VOPP1: variants seen among roughly 807,000 people sequenced by gnomAD.
VOPP1 encodes the protein VOPP1 WW domain binding protein, also known as WW domain binding protein VOPP1.
Under a neutral mutation model 23.5 loss-of-function variants are expected in VOPP1, and 8 were observed. The ratio of observed to expected loss-of-function variants is 0.34; its 90% CI spans 0.20 to 0.61. The LOEUF is 0.61. Among genes scored for constraint, VOPP1 ranks in the 20% least tolerant of loss-of-function variants. The pLI is 0.78. For missense variants in VOPP1, 174 were observed against 238.1 expected, an observed-to-expected ratio of 0.73 and a Z score of 1.77; for synonymous variants, 83 against 97.3, an observed-to-expected ratio of 0.85 and a Z score of 0.86.
At chr7:55,514,743 C>T (rs1361108666) in intron 2 of VOPP1, among the ~76,000 whole-genome samples, 3 of 152,180 alleles carry the variant, frequency 2.0e-5, no homozygotes, top group East Asian at 1.9e-4. Flanking sequence ...GAGATGACAC[C>T]GCAGAGTGCT....
In VOPP1 at chr7:55,532,667, A is replaced by G. The variant is rs548822587; in HGVS notation, c.55-11537T>C. Among the ~76,000 whole-genome samples the G allele has an allele frequency of 6.1e-4, 92 of 151,020 alleles. 1 individual carries two copies. Among genetic ancestry groups the G allele is most frequent in the Non-Finnish European group, 1.5e-5 (1 of 67,682 alleles). On this transcript the variant is annotated intron_variant, in intron 1 of 4. Coordinates refer to ENST00000285279, the MANE Select transcript of VOPP1 (RefSeq NM_030796.5). Reference sequence around the variant, plus strand: ...GGAAATGATACCCTGGTGTGGAAAAATACAGCTCAAAGCAATCTGAGGGAG... The same window carrying G: ...GGAAATGATACCCTGGTGTGGAAAAGTACAGCTCAAAGCAATCTGAGGGAG...
chr7:55,559,713 G>T (rs1380804355), intron 1 of VOPP1, among the ~76,000 whole-genome samples: 1 of 152,084 alleles, frequency 6.6e-6, no homozygotes, highest in Non-Finnish European at 1.5e-5. Flanking sequence ...ATTCCACCAA[G>T]AACTCAAAGC....
chr7:55,532,781 C>G (rs1403930123), intron 1 of VOPP1, among the ~76,000 whole-genome samples: 8 of 152,162 alleles, frequency 5.3e-5, no homozygotes, highest in Non-Finnish European at 1.2e-4. Context: ...AGCACTGCCA[C>G]GTGTACTCCT....
chr7:55,568,385 T>G (rs1407017343), intron 1 of VOPP1, among the ~76,000 whole-genome samples: 1 of 152,202 alleles, frequency 6.6e-6, no homozygotes, highest in Non-Finnish European at 1.5e-5. Context: ...TGACAACTGT[T>G]CCTTTTTCTA....
chr7:55,562,806 G>A (rs1798032419), intron 1 of VOPP1, among the ~76,000 whole-genome samples: 1 of 152,164 alleles, frequency 6.6e-6, no homozygotes, highest in Non-Finnish European at 1.5e-5. Context: ...AGGGCTCAGA[G>A]GATCCCAACC....
intron 1 of VOPP1, among the ~76,000 whole-genome samples, chr7:55,531,641 C>T (rs1470348618): frequency 1.3e-5 from 2 of 152,108 alleles, no homozygotes; most frequent in African/African-American, 2.4e-5. Flanking sequence ...CATGAGCCAT[C>T]GCGCCCAGAA....
intron 1 of VOPP1, among the ~76,000 whole-genome samples, chr7:55,560,092 G>A (rs2129055917): frequency 6.6e-6 from 1 of 152,354 alleles, no homozygotes; most frequent in Non-Finnish European, 1.5e-5. Context: ...GGCAGAGGTT[G>A]TAGTGAGCCA....
At chr7:55,479,041 G>T (rs1792491481) in intron 4 of VOPP1, among the ~76,000 whole-genome samples, 1 of 152,104 alleles carries the variant, frequency 6.6e-6, no homozygotes, top group Non-Finnish European at 1.5e-5. Flanking sequence ...TCCTCTATGT[G>T]ACTTTCTATC....
chr7:55,525,974 G>A (rs1796169412), intron 1 of VOPP1, among the ~76,000 whole-genome samples: 1 of 152,136 alleles, frequency 6.6e-6, no homozygotes, highest in Non-Finnish European at 1.5e-5. Context: ...TGTGAGGAGA[G>A]GTCAACTGCT....
intron 2 of VOPP1, among the ~76,000 whole-genome samples, chr7:55,500,260 G>A (rs1794273645): frequency 6.6e-6 from 1 of 152,208 alleles, no homozygotes; most frequent in Non-Finnish European, 1.5e-5. Context: ...CATTCAACGA[G>A]ATGGTGTGTT....
At chr7:55,495,061 C>G (rs1382295643) in intron 3 of VOPP1, among the ~76,000 whole-genome samples, 2 of 151,994 alleles carry the variant, frequency 1.3e-5, no homozygotes, top group African/African-American at 4.8e-5. Context: ...ACCCCCCAGC[C>G]CCGAGTGTAG....
chr7:55,474,300 T>A (rs574748682), intron 4 of VOPP1, among the ~76,000 whole-genome samples: 1 of 152,342 alleles, frequency 6.6e-6, no homozygotes, highest in African/African-American at 2.4e-5. Flanking sequence ...GCCATTACCA[T>A]GAGTTTCGCA....
intron 4 of VOPP1, among the ~76,000 whole-genome samples, chr7:55,450,540 C>A (rs536701438): frequency 6.6e-6 from 1 of 152,194 alleles, no homozygotes; most frequent in African/African-American, 2.4e-5. Flanking sequence ...CACTCACATA[C>A]TTTTATATCA....
At chr7:55,525,170 T>G (rs1316966453) in intron 1 of VOPP1, among the ~76,000 whole-genome samples, 1 of 152,080 alleles carries the variant, frequency 6.6e-6, no homozygotes, top group Non-Finnish European at 1.5e-5. Context: ...CCAGCCAGTC[T>G]GGGTCTCACT....
At chr7:55,491,323 G>A (rs539001881) in intron 4 of VOPP1, among the ~76,000 whole-genome samples, 8 of 152,158 alleles carry the variant, frequency 5.3e-5, no homozygotes, top group African/African-American at 1.9e-4. Flanking sequence ...AGATCTCTAG[G>A]ACTTATTCAT....
intron 2 of VOPP1, among the ~76,000 whole-genome samples, chr7:55,504,400 C>T (rs963293786): frequency 6.6e-6 from 1 of 152,178 alleles, no homozygotes; most frequent in Non-Finnish European, 1.5e-5. Flanking sequence ...AAACACAGAA[C>T]CCTATAAAGT....
chr7:55,440,973 ACT>A (rs1790950767), intron 4 of VOPP1, among the ~76,000 whole-genome samples: 2 of 151,752 alleles, frequency 1.3e-5, no homozygotes, highest in South Asian at 2.1e-4. Flanking sequence ...CACCCGGATG[ACT>A]CTGCTTTTCT....
chr7:55,475,085 G>T (rs1336965754), intron 4 of VOPP1, among the ~76,000 whole-genome samples: 1 of 152,236 alleles, frequency 6.6e-6, no homozygotes, highest in Admixed American at 6.5e-5. Context: ...AAGACTGTAG[G>T]AGGGGACGGG....
intron 1 of VOPP1, chr7:55,552,885 C>T: frequency 2.3e-6 from 3 of 1,299,340 alleles, no homozygotes; most frequent in East Asian, 2.9e-5. Flanking sequence ...CTAGACTAAA[C>T]TCCTGAACCC....
Sources: gnomAD v4.1 joint callset for allele counts (sites outside exome capture counted in the v4.1 genomes callset) on GRCh38, gnomAD v4.1.1 for gene constraint, MANE v1.5 for transcripts, NCBI Gene and HGNC (gene_info 2026-07-23, HGNC 2026-07-21) for gene names.